FGF18: variants seen among roughly 807,000 people sequenced by gnomAD.
FGF18 encodes fibroblast growth factor 18.
Under a neutral mutation model 23.0 loss-of-function variants are expected in FGF18, and 5 were observed. That is an observed-to-expected ratio of 0.22 (90% CI 0.11 to 0.46). The LOEUF (loss-of-function observed/expected upper bound fraction) is 0.46, where lower values mean the gene tolerates loss of function less well. Among genes scored for constraint, FGF18 ranks in the 20% least tolerant of loss-of-function variants. FGF18 has a pLI of 0.99. For synonymous variants in FGF18, 117 were observed against 118.9 expected (o/e 0.98, Z 0.10); for missense variants, 180 against 291.6 (o/e 0.62, Z 2.79).
chr5:171,442,579 G>T (rs1022853763), intron 3 of FGF18, among the ~76,000 whole-genome samples: 1 of 152,230 alleles, frequency 6.6e-6, no homozygotes, highest in Non-Finnish European at 1.5e-5. Context: ...TGCTGCTCTT[G>T]CGGGTCTTGG....
At position 171,436,410 on chromosome 5, in the gene FGF18, C is replaced by A; in HGVS notation, c.250+137C>A. The A allele has an allele frequency of 1.7e-6, 1 of 597,540 alleles. No individual in the cohort carries two copies. The highest frequency in any genetic ancestry group is 3.4e-5 in the East Asian group (1 of 29,450). The allele number at this position is 597,540 out of a possible 1,614,324, so 37.0% of individuals were successfully genotyped here. ...GACCTGGCACTGACCCTTTCTGGGTCTGTTTCCTGATCTATAAAATGGGGA... is the reference window on the plus strand; with the variant it reads ...GACCTGGCACTGACCCTTTCTGGGTATGTTTCCTGATCTATAAAATGGGGA... On this transcript the variant is annotated intron_variant, in intron 3 of 4. Transcript: ENST00000274625. The surrounding 1 kb of genome is among the most constrained non-coding windows in gnomAD (Gnocchi z 4.4).
chr5:171,433,690 G>A (rs776218151), intron 2 of FGF18, among the ~76,000 whole-genome samples: 2 of 152,220 alleles, frequency 1.3e-5, no homozygotes, highest in Non-Finnish European at 2.9e-5. Context: ...GCCAGGCCCT[G>A]CCTCACTGGG....
chr5:171,427,163 C>T (rs193076858), intron 2 of FGF18, among the ~76,000 whole-genome samples: 77 of 150,370 alleles, frequency 5.1e-4, no homozygotes, highest in East Asian at 1.8e-3. Context: ...GCCAAGATCA[C>T]GCCACTGCAC....
Position 171,456,797 on chromosome 5 carries a change from C to T in FGF18, c.616C>T (p.Pro206Ser). 3 of 1,607,362 alleles carry T rather than the reference C, an allele frequency of 1.9e-6. No individual in the cohort carries two copies. Among genetic ancestry groups the T allele is most frequent in the Non-Finnish European group, 2.6e-6 (3 of 1,175,642 alleles). Residue 206 changes from proline to serine, a missense_variant, in exon 5 of 5, where the codon CCT (proline) becomes TCT (serine). Coordinates refer to ENST00000274625, the MANE Select transcript of FGF18 (RefSeq NM_003862.3). This position sits in a 1 kb window ranked among gnomAD's most constrained non-coding sequence, Gnocchi z 6.1. Reference protein sequence around the residue: ...KRSRRIRPTHPA With the variant: ...KRSRRIRPTHSA Reference sequence around the variant, plus strand: ...GTCCCGTCGGATCCGGCCCACACACCCTGCCTAGGCCACCCCGCCGCGGCC... The same window carrying T: ...GTCCCGTCGGATCCGGCCCACACACTCTGCCTAGGCCACCCCGCCGCGGCC...
intron 3 of FGF18, among the ~76,000 whole-genome samples, chr5:171,437,384 G>GGGCCA (rs1008857744): frequency 2.0e-5 from 3 of 152,316 alleles, no homozygotes; most frequent in South Asian, 2.1e-4. Context: ...ACTGGGGGCT[G>GGGCCA]GGCCAGGCCA....
At chr5:171,420,268 GCTGT>G (rs779590572) in intron 1 of FGF18, 37 bp downstream of exon 1, 75 of 1,600,238 alleles carry the variant, frequency 4.7e-5, no homozygotes, top group African/African-American at 4.1e-4. Context: ...ACCTTGCCTG[GCTGT>G]CTGTCCGTAT....
At chr5:171,431,553 C>T (rs1292958831) in intron 2 of FGF18, among the ~76,000 whole-genome samples, 1 of 152,068 alleles carries the variant, frequency 6.6e-6, no homozygotes, top group East Asian at 1.9e-4. Context: ...AAGATTTCTA[C>T]CAGAACTGAA....
chr5:171,435,177 C>G (rs1772229097), intron 2 of FGF18, among the ~76,000 whole-genome samples: 1 of 152,246 alleles, frequency 6.6e-6, no homozygotes, highest in Non-Finnish European at 1.5e-5. Flanking sequence ...GGAAAGCAGT[C>G]AGGGGCTCAC....
intron 3 of FGF18, among the ~76,000 whole-genome samples, chr5:171,439,660 G>C (rs1400510703): frequency 2.0e-5 from 3 of 152,108 alleles, no homozygotes; most frequent in Non-Finnish European, 4.4e-5. Flanking sequence ...GCCAAGTGGG[G>C]AGGAGAAGGC....
chr5:171,428,222 A>G lies in FGF18; in HGVS notation c.69+7779A>G, dbSNP rs533523469. Among the ~76,000 whole-genome samples, 13 of 152,190 alleles carry G rather than the reference A, an allele frequency of 8.5e-5. 1 individual carries two copies. In the South Asian group the frequency reaches 2.7e-3, roughly 32 times the overall value. ...GGCACAGACCTGGCATGCTGGAGGA[A>G]TGTTGGGTCAGTGAGTGGAGGTTTG... is the stretch of plus-strand genomic sequence containing the variant. On this transcript the variant is annotated intron_variant, in intron 2 of 4. Transcript: ENST00000274625.
At chr5:171,441,864 G>T (rs749781781) in intron 3 of FGF18, among the ~76,000 whole-genome samples, 2 of 152,110 alleles carry the variant, frequency 1.3e-5, no homozygotes, top group African/African-American at 2.4e-5. Context: ...CTTCTGTTTG[G>T]CACAGATCTC....
chr5:171,454,893 G>A (rs1249903569), intron 4 of FGF18, among the ~76,000 whole-genome samples: 1 of 152,242 alleles, frequency 6.6e-6, no homozygotes, highest in Non-Finnish European at 1.5e-5. Context: ...GGCTGTCTCA[G>A]AGAGGAGACT....
chr5:171,422,706 T>C (rs769599249), intron 2 of FGF18, among the ~76,000 whole-genome samples: 4 of 152,176 alleles, frequency 2.6e-5, no homozygotes, highest in Non-Finnish European at 5.9e-5. Flanking sequence ...TGGGGCCTGC[T>C]CCCTGCTGAG....
At position 171,440,693 on chromosome 5, in the gene FGF18, TA is replaced by T. The variant is rs1772328992; in HGVS notation, c.250+4423del. ...TTCCCCACCTGTAATGTGGGTGGGG[TA>T]AAGGGTGTGCAGCTGGTACTTTGCA... On this transcript the variant is annotated intron_variant, in intron 3 of 4. Transcript: ENST00000274625. This position sits in a 1 kb window ranked among gnomAD's most constrained non-coding sequence, Gnocchi z 4.0. Among the ~76,000 whole-genome samples, 1 of 151,858 alleles carries T rather than the reference TA, an allele frequency of 6.6e-6. No homozygotes were observed. The highest frequency in any genetic ancestry group is 2.4e-5 in the African/African-American group (1 of 41,292).
intron 2 of FGF18, among the ~76,000 whole-genome samples, chr5:171,431,327 C>T (rs1772179044): frequency 6.6e-6 from 1 of 152,094 alleles, no homozygotes; most frequent in African/African-American, 2.4e-5. Flanking sequence ...GGCTGTTGTC[C>T]TGGGTAATAG....
In FGF18 at chr5:171,440,849, T is replaced by C. The variant is rs1237431902; in HGVS notation, c.250+4576T>C. ...GCCCCAGAGCCCCTGTGCTTGCCCT[T>C]GTCCCAACAAGGGTCCTGCTGCGGT... On this transcript the variant is annotated intron_variant, in intron 3 of 4. Coordinates refer to ENST00000274625, the MANE Select transcript of FGF18 (RefSeq NM_003862.3). The surrounding 1 kb of genome is among the most constrained non-coding windows in gnomAD (Gnocchi z 4.0). Among the ~76,000 whole-genome samples, 2 of 152,160 alleles carry C rather than the reference T, an allele frequency of 1.3e-5. No individual in the cohort carries two copies. The highest frequency in any genetic ancestry group is 2.9e-5 in the Non-Finnish European group (2 of 68,022).
intron 2 of FGF18, among the ~76,000 whole-genome samples, chr5:171,421,535 C>T (rs1772006737): frequency 6.6e-6 from 1 of 152,104 alleles, no homozygotes; most frequent in African/African-American, 2.4e-5. Context: ...TGGAGATCCC[C>T]AGAGCTAGCC....
intron 3 of FGF18, among the ~76,000 whole-genome samples, chr5:171,443,501 A>ATTTTTTTTTTTTTT (rs59576538): frequency 2.5e-4 from 16 of 63,772 alleles, no homozygotes; most frequent in East Asian, 1.4e-3. Flanking sequence ...TGTTATCATC[A>ATTTTTTTTTTTTTT]TTTTTTTTTT....
At position 171,420,416 on chromosome 5, in the gene FGF18, C is replaced by A; in HGVS notation, c.42C>A (p.His14Gln). ...CATCTGTTTCCCGCAGGTGTTTACA[C>A]TTCCTGCTGCTGTGCTTCCAGGTAC... Reference protein sequence around the residue: ...APSACTCLCLHFLLLCFQVQV... With the variant: ...APSACTCLCLQFLLLCFQVQV... Residue 14 changes from histidine to glutamine, a missense_variant, in exon 2 of 5, where the codon CAC becomes CAA. This residue lies in a region of FGF18 where 57 missense variants were observed against 59.8 expected (regional missense o/e 0.95). Transcript: ENST00000274625. 1 of 1,613,908 alleles carries A rather than the reference C, an allele frequency of 6.2e-7. No individual in the cohort carries two copies. The highest frequency in any genetic ancestry group is 8.5e-7 in the Non-Finnish European group (1 of 1,179,918).
Sources: gnomAD v4.1 joint callset for allele counts (sites outside exome capture counted in the v4.1 genomes callset) on GRCh38, gnomAD v4.1.1 for gene constraint, gnomAD v4.1.1 regional missense constraint, Gnocchi (gnomAD v3.1) non-coding constraint, MANE v1.5 for transcripts, NCBI Gene and HGNC (gene_info 2026-07-23, HGNC 2026-07-21) for gene names.